Variants in MCTP2 observed in about 807,000 individuals in gnomAD.
The protein encoded by MCTP2 is multiple C2 and transmembrane domain containing 2.
Under a neutral mutation model 111.6 loss-of-function variants are expected in MCTP2, and 132 were observed. The observed-to-expected ratio is 1.18, with a 90% CI of 1.03 to 1.37. The LOEUF is 1.37. Among genes scored for constraint, MCTP2 ranks in the 40% most tolerant of loss-of-function variants. The pLI is 0.00. For missense variants in MCTP2, 1,183 were observed against 1,067.9 expected, an observed-to-expected ratio of 1.11 and a Z score of -1.50; for synonymous variants, 395 against 387.7, an observed-to-expected ratio of 1.02 and a Z score of -0.22.
At chr15:94,393,219 A>C (rs1369892686) in intron 14 of MCTP2, among the ~76,000 whole-genome samples, 1 of 152,222 alleles carries the variant, frequency 6.6e-6, no homozygotes, top group African/African-American at 2.4e-5. Flanking sequence ...AAACATTTTT[A>C]AAAAGTGAAA....
Position 94,255,026 on chromosome 15 carries a change from T to A in MCTP2, c.-66+23362T>A, listed in dbSNP as rs536230407. On this transcript the variant is annotated intron_variant, in intron 1 of 22. Coordinates refer to ENST00000357742, the MANE Select transcript of MCTP2 (RefSeq NM_001385001.1). ...ACACAGGGCTTGGCAAAGCTGGGAT[T>A]TATGGAGACACAATTTTTTAGAAGT... Among the ~76,000 whole-genome samples, 17 of 152,316 alleles carry A rather than the reference T, an allele frequency of 1.1e-4. No homozygotes were observed. The East Asian group carries it at 3.1e-3, about 28-fold the overall frequency.
chr15:94,432,193 G>T (rs1224708140), intron 17 of MCTP2, among the ~76,000 whole-genome samples: 1 of 152,142 alleles, frequency 6.6e-6, no homozygotes, highest in Non-Finnish European at 1.5e-5. Context: ...TGGGTTGGTG[G>T]CAAGGAAGGT....
intron 19 of MCTP2, among the ~76,000 whole-genome samples, chr15:94,451,623 A>C (rs1295416866): frequency 1.3e-5 from 2 of 152,304 alleles, no homozygotes; most frequent in Non-Finnish European, 2.9e-5. Context: ...TGTCTTTCTG[A>C]ATGAATCACT....
At position 94,481,461 on chromosome 15, in the gene MCTP2, T is replaced by G. The variant is rs1245501443; in HGVS notation, c.*2427T>G. 1 of 152,302 alleles carries G rather than the reference T, an allele frequency of 6.6e-6. No homozygotes were observed. Among genetic ancestry groups the G allele is most frequent in the Admixed American group, 6.5e-5 (1 of 15,290 alleles). The allele number at this position is 152,302 out of a possible 1,614,324, so 9.4% of individuals were successfully genotyped here. A position where few individuals can be genotyped will look rare whatever the true frequency, so the allele number is the denominator to read the frequency against. ...GTCAATGCATTAACCACTTCTGTTCTGATTTCCACCACCCAAGTGGAGGCC... is the reference window on the plus strand; with the variant it reads ...GTCAATGCATTAACCACTTCTGTTCGGATTTCCACCACCCAAGTGGAGGCC... On this transcript the variant is annotated 3_prime_UTR_variant, in exon 23 of 23. Transcript: ENST00000357742.
intron 12 of MCTP2, among the ~76,000 whole-genome samples, chr15:94,375,023 G>A (rs114220692): frequency 0.011 from 1,682 of 152,204 alleles, 38 homozygotes; most frequent in African/African-American, 0.038. Flanking sequence ...TAAAACAAGA[G>A]GTTTAATTGG....
chr15:94,234,189 A>C (rs984341687), intron 1 of MCTP2, among the ~76,000 whole-genome samples: 4 of 152,180 alleles, frequency 2.6e-5, no homozygotes, highest in African/African-American at 9.7e-5. Flanking sequence ...GTGATGAAGG[A>C]GGAGAGTATG....
At position 94,398,036 on chromosome 15, in the gene MCTP2, A is replaced by G. The variant is rs377627388; in HGVS notation, c.1789-925A>G. Among the ~76,000 whole-genome samples, 144 of 152,330 alleles carry G rather than the reference A, an allele frequency of 9.5e-4. 1 individual carries two copies. The South Asian group carries it at 0.029, about 31-fold the overall frequency. On this transcript the variant is annotated intron_variant, in intron 14 of 22. Coordinates refer to ENST00000357742, the MANE Select transcript of MCTP2 (RefSeq NM_001385001.1). ...ATTAACTTGTCTTTCATGGGAGCCA[A>G]TCAGTTTCCAAAATCATACTGAAAA...
intron 4 of MCTP2, among the ~76,000 whole-genome samples, chr15:94,334,192 G>T (rs916358795): frequency 6.6e-6 from 1 of 152,166 alleles, no homozygotes; most frequent in African/African-American, 2.4e-5. Context: ...GGATCATTCA[G>T]TTCTCAAAAT....
chr15:94,324,506 G>A (rs2076770931), intron 4 of MCTP2, among the ~76,000 whole-genome samples: 1 of 152,210 alleles, frequency 6.6e-6, no homozygotes, highest in South Asian at 2.1e-4. Flanking sequence ...GCTGTAGGTT[G>A]AGGTTTGATG....
At chr15:94,380,120 G>A (rs946877975) in intron 12 of MCTP2, among the ~76,000 whole-genome samples, 1 of 151,924 alleles carries the variant, frequency 6.6e-6, no homozygotes, top group Non-Finnish European at 1.5e-5. Context: ...GCATTTCACT[G>A]CTGCCCTCTG....
At chr15:94,243,875 ATATT>A (rs1233369482) in intron 1 of MCTP2, among the ~76,000 whole-genome samples, 16 of 148,476 alleles carry the variant, frequency 1.1e-4, no homozygotes, top group East Asian at 6.1e-4. Flanking sequence ...ATATGTGTAT[ATATT>A]TATGTACACA....
chr15:94,326,830 C>T (rs2076905205), intron 4 of MCTP2, among the ~76,000 whole-genome samples: 1 of 131,772 alleles, frequency 7.6e-6, no homozygotes. Flanking sequence ...CCCCCCCCAA[C>T]CTCGGCCTCC....
chr15:94,326,342 G>A (rs893758813), intron 4 of MCTP2, among the ~76,000 whole-genome samples: 2 of 152,026 alleles, frequency 1.3e-5, no homozygotes, highest in African/African-American at 2.4e-5. Flanking sequence ...CACAACAAAC[G>A]TTCTTATACC....
intron 1 of MCTP2, among the ~76,000 whole-genome samples, chr15:94,258,353 C>G (rs188334601): frequency 6.6e-6 from 1 of 152,226 alleles, no homozygotes; most frequent in East Asian, 1.9e-4. Context: ...TGAGTGACTC[C>G]TCTCTCAAAG....
At chr15:94,272,497 C>T (rs2073959944) in intron 1 of MCTP2, among the ~76,000 whole-genome samples, 1 of 151,922 alleles carries the variant, frequency 6.6e-6, no homozygotes, top group South Asian at 2.1e-4. Flanking sequence ...CTTTCATTTC[C>T]TTCTTTCCCA....
At chr15:94,342,039 G>A (rs966709185) in intron 7 of MCTP2, 9 of 152,058 alleles carry the variant, frequency 5.9e-5, no homozygotes, top group Non-Finnish European at 1.3e-4. Context: ...CTTGAGCTGG[G>A]GGCTAGGTTA....
intron 17 of MCTP2, among the ~76,000 whole-genome samples, chr15:94,410,077 TC>T (rs2082087557): frequency 6.6e-6 from 1 of 152,082 alleles, no homozygotes; most frequent in Non-Finnish European, 1.5e-5. Flanking sequence ...TTAAATTAGG[TC>T]ATAAGCATGG....
At chr15:94,421,763 A>G (rs951302868) in intron 17 of MCTP2, among the ~76,000 whole-genome samples, 2 of 152,178 alleles carry the variant, frequency 1.3e-5, no homozygotes, top group Non-Finnish European at 2.9e-5. Flanking sequence ...TCATCTACCT[A>G]TTTTAAGGTC....
intron 1 of MCTP2, among the ~76,000 whole-genome samples, chr15:94,245,701 T>C (rs1017186075): frequency 7.0e-6 from 1 of 142,962 alleles, no homozygotes; most frequent in African/African-American, 2.6e-5. Flanking sequence ...TATATAAATA[T>C]ATGTGTGTGT....
Sources: gnomAD v4.1 joint callset for allele counts (sites outside exome capture counted in the v4.1 genomes callset) on GRCh38, gnomAD v4.1.1 for gene constraint, MANE v1.5 for transcripts, NCBI Gene and HGNC (gene_info 2026-07-23, HGNC 2026-07-21) for gene names.